The following PRDM11 variants were observed in gnomAD, a reference collection of about 807,000 sequenced individuals.
PRDM11 encodes the protein PR domain-containing protein 11.
PRDM11 carries 20 observed loss-of-function variants against 97.8 expected under a neutral mutation model. The ratio of observed to expected loss-of-function variants is 0.20; its 90% CI spans 0.14 to 0.30. The LOEUF is 0.30. PRDM11 is among the 10% of genes least tolerant of loss of function. The pLI, the probability that PRDM11 is intolerant of heterozygous loss-of-function variation, is 1.00. For synonymous variants in PRDM11, 599 were observed against 637.7 expected, an observed-to-expected ratio of 0.94 and a Z score of 0.91; for missense variants, 1,139 against 1,555.2, an observed-to-expected ratio of 0.73 and a Z score of 4.50.
chr11:45,199,845 G>A (rs980277628), intron 4 of PRDM11, among the ~76,000 whole-genome samples: 2 of 148,020 alleles, frequency 1.4e-5, no homozygotes, highest in African/African-American at 5.3e-5. Flanking sequence ...CCTCTGCCTA[G>A]GGCACCATCT....
At chr11:45,100,350 A>C (rs1416619551) in intron 1 of PRDM11, among the ~76,000 whole-genome samples, 1 of 152,114 alleles carries the variant, frequency 6.6e-6, no homozygotes, top group African/African-American at 2.4e-5. Context: ...AGGAGAAAAA[A>C]ATAGGCAGAG....
At chr11:45,183,189 G>A in intron 4 of PRDM11, 66 bp downstream of exon 4, 3 of 1,536,876 alleles carry the variant, frequency 2.0e-6, no homozygotes, top group Non-Finnish European at 8.8e-7. Flanking sequence ...CCACCAGGGG[G>A]AGCCATACTG....
At chr11:45,119,763 G>A (rs1163714965) in intron 1 of PRDM11, among the ~76,000 whole-genome samples, 1 of 149,834 alleles carries the variant, frequency 6.7e-6, no homozygotes, top group Admixed American at 6.7e-5. Context: ...TTTCTTAACA[G>A]AATAAAAGAC....
At chr11:45,147,355 C>G (rs1374735359) in intron 1 of PRDM11, 2 of 152,034 alleles carry the variant, frequency 1.3e-5, no homozygotes, top group African/African-American at 4.8e-5. Context: ...TTCTCGCGGA[C>G]GCCCTCGGCC....
At chr11:45,140,234 C>G (rs1852973768) in intron 1 of PRDM11, among the ~76,000 whole-genome samples, 1 of 152,200 alleles carries the variant, frequency 6.6e-6, no homozygotes, top group South Asian at 2.1e-4. Context: ...GAAATGTTCT[C>G]TGACAAGGGT....
intron 1 of PRDM11, among the ~76,000 whole-genome samples, chr11:45,176,219 T>C (rs1374386995): frequency 6.6e-6 from 1 of 151,818 alleles, no homozygotes; most frequent in Non-Finnish European, 1.5e-5. Flanking sequence ...ACTAAAAAAA[T>C]ACAAAAAATT....
intron 5 of PRDM11, among the ~76,000 whole-genome samples, chr11:45,208,073 A>G (rs533957775): frequency 2.2e-4 from 34 of 152,276 alleles, no homozygotes; most frequent in African/African-American, 8.2e-4. Flanking sequence ...TGCTCAGTTG[A>G]GAGGGAATCC....
At chr11:45,109,507 C>T (rs1852128816) in intron 1 of PRDM11, among the ~76,000 whole-genome samples, 1 of 152,138 alleles carries the variant, frequency 6.6e-6, no homozygotes, top group Admixed American at 6.5e-5. Context: ...TCAACTCTCC[C>T]TAGAAAGGAG....
chr11:45,163,645 A>G (rs737451), intron 1 of PRDM11, among the ~76,000 whole-genome samples: 15,679 of 152,314 alleles, frequency 0.1, 1,147 homozygotes, highest in Admixed American at 0.24. Flanking sequence ...AGGCTCAACC[A>G]CATGTTTGCT....
chr11:45,156,512 G>T lies in PRDM11; in HGVS notation c.-7+9635G>T, dbSNP rs138302529. ...GCCCATCCTGAGCTGTGCTGGATGG[G>T]TGTATGGTGAGAGACATGCAGACTT... On this transcript the variant is annotated intron_variant, in intron 1 of 7. Coordinates refer to ENST00000683152, the MANE Select transcript of PRDM11 (RefSeq NM_001384648.1). Among the ~76,000 whole-genome samples, 123 of 152,362 alleles carry T rather than the reference G, an allele frequency of 8.1e-4. 1 individual carries two copies. The highest frequency in any genetic ancestry group is 3.4e-3 in the Middle Eastern group (1 of 294).
Position 45,121,428 on chromosome 11 carries a change from C to G in PRDM11, c.96+25527C>G, listed in dbSNP as rs535528657. 7.2e-4 allele frequency among the ~76,000 whole-genome samples: 110 copies of G among 152,120 alleles called. 1 individual carries two copies. The highest frequency in any genetic ancestry group is 1.9e-3 in the African/African-American group (77 of 41,524). ...TATTAGTATGCTCCTCATTTCAAAG[C>G]TTCAAATATGCAAAGCAAAAGTAAC... On this transcript the variant is annotated intron_variant, in intron 1 of 6. Coordinates refer to the PRDM11 transcript ENST00000530656.
rs1852691930 is a variant in PRDM11 at position 45,186,013 on chromosome 11, G to A, written c.486+2890G>A. Among the ~76,000 whole-genome samples the A allele has an allele frequency of 3.3e-5, 5 of 151,986 alleles. No homozygotes were observed. In the South Asian group the frequency reaches 1.0e-3, roughly 32 times the overall value. ...AAGGAGCCGGGAGTCAAGGGATGCA[G>A]GCAGCTTCTGGAAGCCAGAAAAGTC... On this transcript the variant is annotated intron_variant, in intron 4 of 7. Coordinates refer to ENST00000683152, the MANE Select transcript of PRDM11 (RefSeq NM_001384648.1).
At chr11:45,174,134 A>G (rs1852271060) in intron 1 of PRDM11, among the ~76,000 whole-genome samples, 1 of 152,178 alleles carries the variant, frequency 6.6e-6, no homozygotes, top group Admixed American at 6.5e-5. Flanking sequence ...ATGGAATCAT[A>G]CAGTATGAGT....
intron 1 of PRDM11, among the ~76,000 whole-genome samples, chr11:45,138,085 C>A (rs1368262507): frequency 6.6e-6 from 1 of 152,196 alleles, no homozygotes; most frequent in Non-Finnish European, 1.5e-5. Flanking sequence ...CTGGGTGTAC[C>A]AAGCTTGTTG....
chr11:45,188,524 G>T (rs1244260023), intron 4 of PRDM11, among the ~76,000 whole-genome samples: 2 of 152,204 alleles, frequency 1.3e-5, no homozygotes, highest in East Asian at 1.9e-4. Flanking sequence ...CCCAGCACAA[G>T]TTCCCTCTTT....
At chr11:45,107,304 G>A (rs1360324857) in intron 1 of PRDM11, among the ~76,000 whole-genome samples, 4 of 152,114 alleles carry the variant, frequency 2.6e-5, no homozygotes, top group Non-Finnish European at 2.9e-5. Context: ...TGACATCTTC[G>A]AACTCCACTT....
intron 1 of PRDM11, among the ~76,000 whole-genome samples, chr11:45,157,799 T>C (rs1851837629): frequency 1.3e-5 from 2 of 152,208 alleles, no homozygotes; most frequent in South Asian, 4.1e-4. Context: ...CCTGCCCTAC[T>C]AGAGCTGCAG....
At chr11:45,189,505 G>A (rs956453517) in intron 4 of PRDM11, among the ~76,000 whole-genome samples, 1 of 151,808 alleles carries the variant, frequency 6.6e-6, no homozygotes, top group Non-Finnish European at 1.5e-5. Flanking sequence ...TCCTGAGGAG[G>A]TCCGCCCTTC....
intron 1 of PRDM11, among the ~76,000 whole-genome samples, chr11:45,141,371 T>G (rs10444284): frequency 0.47 from 71,981 of 152,000 alleles, 18,776 homozygotes; most frequent in Non-Finnish European, 0.59. Context: ...AGCAGTGATG[T>G]CATGTCACTT....
Sources: gnomAD v4.1 joint callset for allele counts (sites outside exome capture counted in the v4.1 genomes callset) on GRCh38, gnomAD v4.1.1 for gene constraint, MANE v1.5 for transcripts, NCBI Gene and HGNC (gene_info 2026-07-23, HGNC 2026-07-21) for gene names.